Variants in GJB4 observed in about 807,000 individuals in gnomAD.
The protein encoded by GJB4 is gap junction protein beta 4.
For synonymous variants in GJB4, 162 were observed against 158.1 expected, an observed-to-expected ratio of 1.02 and a Z score of -0.18; for missense variants, 371 against 363.8, an observed-to-expected ratio of 1.02 and a Z score of -0.16.
rs777623272 is a variant in GJB4, at chr1:34,762,061, G to C, written c.*6G>C. 3 of 1,607,114 alleles carry C rather than the reference G, an allele frequency of 1.9e-6. No homozygotes were observed. Among genetic ancestry groups the C allele is most frequent in the Non-Finnish European group, 2.5e-6 (3 of 1,176,498 alleles). On this transcript the variant is annotated 3_prime_UTR_variant, in exon 2 of 2. Transcript: ENST00000339480. ...ATGCAGGTGGGTATCCATAACCTGC[G>C]AGATCAGCAGATAAGATCAACAGGT...
Position 34,761,121 on chromosome 1 carries a change from G to C in GJB4, c.-134G>C, listed in dbSNP as rs1276550670. On this transcript the variant is annotated 5_prime_UTR_variant, in exon 2 of 2. Transcript: ENST00000339480. This position sits in a 1 kb window ranked among gnomAD's most constrained non-coding sequence, Gnocchi z 4.4. The stretch of plus-strand genomic sequence containing the variant: ...CATGATGACACGGTGATTGTGAAAA[G>C]ATTTTGTCAATCGCACCAGCATTAA... 40 of 783,898 alleles carry C rather than the reference G, an allele frequency of 5.1e-5. No individual in the cohort carries two copies. Among genetic ancestry groups the C allele is most frequent in the Non-Finnish European group, 6.6e-5 (30 of 454,948 alleles). 48.6% of individuals were successfully genotyped at this position (783,898 alleles called of 1,614,324 possible).
chr1:34,762,046 G>C lies in GJB4; in HGVS notation c.792G>C (p.Gly264=). Residue 264 remains glycine, a synonymous_variant, in exon 2 of 2, where the codon GGG becomes GGC. Transcript: ENST00000339480. ...KAGSAPVDAG[G]YP ...GGTCGGCCCCAGTGGATGCAGGTGG[G>C]TATCCATAACCTGCGAGATCAGCAG... is the stretch of plus-strand genomic sequence containing the variant. The C allele has an allele frequency of 6.2e-7, 1 of 1,611,812 alleles. No individual in the cohort carries two copies. The highest frequency in any genetic ancestry group is 8.5e-7 in the Non-Finnish European group (1 of 1,179,312).
Position 34,761,458 on chromosome 1 carries a change from C to A in GJB4, c.204C>A (p.Phe68Leu). ...PGCPNVCYDE[F>L]FPVSHVRLWA... ...GCCCCAACGTCTGCTATGACGAGTTCTTCCCCGTGTCCCACGTGCGCCTCT... is the reference window on the plus strand; with the variant it reads ...GCCCCAACGTCTGCTATGACGAGTTATTCCCCGTGTCCCACGTGCGCCTCT... The change falls in exon 2 of 2, where the codon TTC (phenylalanine) becomes TTA (leucine). Residue 68 changes from phenylalanine to leucine, a missense_variant. Physicochemically the swap from Phe to Leu is conservative, Grantham distance 22. Coordinates refer to ENST00000339480, the MANE Select transcript of GJB4 (RefSeq NM_153212.3). The surrounding 1 kb of genome is among the most constrained non-coding windows in gnomAD (Gnocchi z 4.4). 2.5e-6 allele frequency: 4 copies of A among 1,614,150 alleles called. No homozygotes were observed. The highest frequency in any genetic ancestry group is 3.4e-6 in the Non-Finnish European group (4 of 1,179,990).
Position 34,761,230 on chromosome 1 carries a change from G to A in GJB4, c.-25G>A, listed in dbSNP as rs187575268. 86 of 1,613,454 alleles carry A rather than the reference G, an allele frequency of 5.3e-5. No homozygotes were observed. In the East Asian group the frequency reaches 1.5e-3, roughly 28 times the overall value. ...TAGCACCCAGGTATAGACCTTCCAC[G>A]TGCAGCACCCAGGACACAGCCAGCA... On this transcript the variant is annotated 5_prime_UTR_variant, in exon 2 of 2. In the 5' UTR this introduces an upstream ATG that the reference lacks. Transcript: ENST00000339480. The surrounding 1 kb of genome is among the most constrained non-coding windows in gnomAD (Gnocchi z 4.4).
rs1294747842 is a variant in GJB4 at position 34,760,965 on chromosome 1, A to C, written c.-290A>C. ...TAGACCCTGATTTTGGAACCTGAAGACCAAAGTGCAAGATTAGCTCTGCTA... is the reference window on the plus strand; with the variant it reads ...TAGACCCTGATTTTGGAACCTGAAGCCCAAAGTGCAAGATTAGCTCTGCTA... On this transcript the variant is annotated 5_prime_UTR_variant, in exon 2 of 2. Transcript: ENST00000339480. 1 of 513,778 alleles carries C rather than the reference A, an allele frequency of 1.9e-6. No individual in the cohort carries two copies. Among genetic ancestry groups the C allele is most frequent in the African/African-American group, 1.9e-5 (1 of 52,038 alleles). The allele number at this position is 513,778 out of a possible 1,614,324, so 31.8% of individuals were successfully genotyped here. A position where few individuals can be genotyped will look rare whatever the true frequency, so the allele number is the denominator to read the frequency against.
chr1:34,762,092 C>G lies in GJB4; in HGVS notation c.*37C>G. The G allele has an allele frequency of 6.5e-7, 1 of 1,548,046 alleles. No homozygotes were observed. The highest frequency in any genetic ancestry group is 8.8e-7 in the Non-Finnish European group (1 of 1,136,754). On this transcript the variant is annotated 3_prime_UTR_variant, in exon 2 of 2. Transcript: ENST00000339480. ...AGCAGATAAGATCAACAGGTCCCCC[C>G]CACATGAGGCCACCCAGGAAAAAAG...
rs999143340 is a variant in GJB4 at position 34,762,140 on chromosome 1, C to A, written c.*85C>A. The A allele has an allele frequency of 1.5e-6, 2 of 1,347,726 alleles. No individual in the cohort carries two copies. The highest frequency in any genetic ancestry group is 2.1e-6 in the Non-Finnish European group (2 of 962,874). The allele number at this position is 1,347,726 out of a possible 1,614,324, so 83.5% of individuals were successfully genotyped here. A position where few individuals can be genotyped will look rare whatever the true frequency, so the allele number is the denominator to read the frequency against. On this transcript the variant is annotated 3_prime_UTR_variant, in exon 2 of 2. Transcript: ENST00000339480. ...AAGGCAGGGGCAGTGGCATCCTTGC[C>A]GTAGCAGGGTGGTGAGGAGGGTGGC...
In GJB4 at chr1:34,759,800, A is replaced by T. The variant is rs575041332; in HGVS notation, c.-323+12A>T. 2.0e-5 allele frequency: 3 copies of T among 152,606 alleles called. No individual in the cohort carries two copies. The East Asian group carries it at 5.8e-4, about 29-fold the overall frequency. The allele number at this position is 152,606 out of a possible 1,614,324, so 9.5% of individuals were successfully genotyped here. A position where few individuals can be genotyped will look rare whatever the true frequency, so the allele number is the denominator to read the frequency against. On this transcript the variant is annotated intron_variant, in intron 1 of 1. Coordinates refer to ENST00000339480, the MANE Select transcript of GJB4 (RefSeq NM_153212.3). ...TGGACCCAAGAAGGGTGAGGACCGA[A>T]TAGGGCAGGAGGCTGGCCAGGAAGC...
rs142843509 is a variant in GJB4, at chr1:34,761,623, G to A, written c.369G>A (p.Lys123=). ...APSLYDNLSK[K]RGGLWWTYLL... is the part of the protein sequence containing the mutation. ...CCCTGTACGACAACCTGAGCAAGAA[G>A]CGGGGCGGACTGTGGTGGACGTACT... The change falls in exon 2 of 2, where the codon AAG becomes AAA. Residue 123 remains lysine, a synonymous_variant. Transcript: ENST00000339480. This position sits in a 1 kb window ranked among gnomAD's most constrained non-coding sequence, Gnocchi z 4.4. The A allele has an allele frequency of 1.7e-3, 2,758 of 1,614,242 alleles. 9 individuals are homozygous for A. Among genetic ancestry groups the A allele is most frequent in the Non-Finnish European group, 2.1e-3 (2,456 of 1,180,034 alleles).
chr1:34,761,759 T>G lies in GJB4; in HGVS notation c.505T>G (p.Cys169Gly), dbSNP rs1557652697. The G allele has an allele frequency of 1.9e-6, 3 of 1,613,936 alleles. No homozygotes were observed. In the African/African-American group the frequency reaches 4.0e-5, roughly 22 times the overall value. ...CGTGGTGGCCTGCTCCGTGGAGCCT[T>G]GCCCCCACACTGTGGACTGTTACAT... The part of the protein sequence containing the change: ...PRVVACSVEP[C>G]PHTVDCYISR... Residue 169 changes from cysteine to glycine, a missense_variant, in exon 2 of 2, where the codon TGC becomes GGC. Coordinates refer to ENST00000339480, the MANE Select transcript of GJB4 (RefSeq NM_153212.3). The surrounding 1 kb of genome is among the most constrained non-coding windows in gnomAD (Gnocchi z 4.4).
At chr1:34,760,194 C>T (rs1409525496) in intron 1 of GJB4, among the ~76,000 whole-genome samples, 2 of 150,534 alleles carry the variant, frequency 1.3e-5, no homozygotes, top group Non-Finnish European at 2.9e-5. Context: ...CCCAGGCACA[C>T]GATGTCTGAA....
In GJB4 at chr1:34,761,999, A is replaced by T; in HGVS notation, c.745A>T (p.Asn249Tyr). Reference protein sequence around the residue: ...LSQGGHPEDGNSVLMKAGSAP... With the variant: ...LSQGGHPEDGYSVLMKAGSAP... Reference sequence around the variant, plus strand: ...CCAGGGAGGGCACCCTGAGGATGGGAACTCTGTCCTAATGAAGGCTGGGTC... The same window carrying T: ...CCAGGGAGGGCACCCTGAGGATGGGTACTCTGTCCTAATGAAGGCTGGGTC... Residue 249 changes from asparagine to tyrosine, a missense_variant, in exon 2 of 2, where the codon AAC becomes TAC. Transcript: ENST00000339480. This position sits in a 1 kb window ranked among gnomAD's most constrained non-coding sequence, Gnocchi z 4.4. 6.2e-7 allele frequency: 1 copy of T among 1,614,112 alleles called. No homozygotes were observed. The highest frequency in any genetic ancestry group is 1.1e-5 in the South Asian group (1 of 91,078).
In GJB4 at chr1:34,762,006, T is replaced by C; in HGVS notation, c.752T>C (p.Val251Ala). The change falls in exon 2 of 2, where the codon GTC becomes GCC. Residue 251 changes from valine (V) to alanine (A), a missense_variant. Physicochemically the swap from Val to Ala is moderately conservative, Grantham distance 64. Transcript: ENST00000339480. ...GGGCACCCTGAGGATGGGAACTCTG[T>C]CCTAATGAAGGCTGGGTCGGCCCCA... ...QGGHPEDGNS[V>A]LMKAGSAPVD... 1 of 1,614,126 alleles carries C rather than the reference T, an allele frequency of 6.2e-7. No homozygotes were observed. The highest frequency in any genetic ancestry group is 8.5e-7 in the Non-Finnish European group (1 of 1,180,010).
In GJB4 at chr1:34,761,723, G is replaced by A. The variant is rs750680293; in HGVS notation, c.469G>A (p.Asp157Asn). The A allele has an allele frequency of 6.2e-7, 1 of 1,614,142 alleles. No homozygotes were observed. The highest frequency in any genetic ancestry group is 1.1e-5 in the South Asian group (1 of 91,082). ...YIFHRLYKDY[D>N]MPRVVACSVE... is the part of the protein sequence containing the mutation. Reference sequence around the variant, plus strand: ...CTTCCACCGCCTCTACAAGGATTATGACATGCCCCGCGTGGTGGCCTGCTC... The same window carrying A: ...CTTCCACCGCCTCTACAAGGATTATAACATGCCCCGCGTGGTGGCCTGCTC... The change falls in exon 2 of 2, where the codon GAC becomes AAC. Residue 157 changes from aspartate (D) to asparagine (N), a missense_variant. Transcript: ENST00000339480. This position sits in a 1 kb window ranked among gnomAD's most constrained non-coding sequence, Gnocchi z 4.4.
rs758277948 is a variant in GJB4 at position 34,761,582 on chromosome 1, G to A, written c.328G>A (p.Gly110Arg). ...ERERKHHLKH[G>R]PNAPSLYDNL... Reference sequence around the variant, plus strand: ...CGAGCGCAAGCACCACCTGAAACACGGGCCCAATGCCCCGTCCCTGTACGA... The same window carrying A: ...CGAGCGCAAGCACCACCTGAAACACAGGCCCAATGCCCCGTCCCTGTACGA... The change falls in exon 2 of 2, where the codon GGG becomes AGG. Residue 110 changes from glycine (G) to arginine (R), a missense_variant. Transcript: ENST00000339480. This position sits in a 1 kb window ranked among gnomAD's most constrained non-coding sequence, Gnocchi z 4.4. 32 of 1,614,098 alleles carry A rather than the reference G, an allele frequency of 2.0e-5. No individual in the cohort carries two copies. The East Asian group carries it at 2.5e-4, about 12-fold the overall frequency.
rs188818191 is a variant in GJB4 at position 34,761,429 on chromosome 1, G to A, written c.175G>A (p.Gly59Ser). ...KDFVCNTKQP[G>S]CPNVCYDEFF... Reference sequence around the variant, plus strand: ...CTTTGTCTGCAACACCAAGCAGCCCGGCTGCCCCAACGTCTGCTATGACGA... The same window carrying A: ...CTTTGTCTGCAACACCAAGCAGCCCAGCTGCCCCAACGTCTGCTATGACGA... The change falls in exon 2 of 2, where the codon GGC becomes AGC. Residue 59 changes from glycine to serine, a missense_variant. Gly to Ser is a moderately conservative substitution (Grantham distance 56). Transcript: ENST00000339480. The surrounding 1 kb of genome is among the most constrained non-coding windows in gnomAD (Gnocchi z 4.4). 9.9e-6 allele frequency: 16 copies of A among 1,614,042 alleles called. No individual in the cohort carries two copies. Among genetic ancestry groups the A allele is most frequent in the African/African-American group, 2.7e-5 (2 of 74,936 alleles).
rs909780864 is a variant in GJB4 at position 34,762,222 on chromosome 1, G to C, written c.*167G>C. 45 of 705,326 alleles carry C rather than the reference G, an allele frequency of 6.4e-5. 1 individual carries two copies. The Admixed American group carries it at 9.0e-4, about 14-fold the overall frequency. The allele number at this position is 705,326 out of a possible 1,614,324, so 43.7% of individuals were successfully genotyped here. A position where few individuals can be genotyped will look rare whatever the true frequency, so the allele number is the denominator to read the frequency against. On this transcript the variant is annotated 3_prime_UTR_variant, in exon 2 of 2. Coordinates refer to ENST00000339480, the MANE Select transcript of GJB4 (RefSeq NM_153212.3). ...AATGTGGGAGGTTGGGGGTAGTTTG[G>C]TCCCTGGGTCCTGAGCCTCAGGGGA... is the stretch of plus-strand genomic sequence containing the variant.
Position 34,762,017 on chromosome 1 carries a change from G to C in GJB4, c.763G>C (p.Ala255Pro), listed in dbSNP as rs199996022. ...GGATGGGAACTCTGTCCTAATGAAG[G>C]CTGGGTCGGCCCCAGTGGATGCAGG... is the stretch of plus-strand genomic sequence containing the variant. The part of the protein sequence containing the change: ...PEDGNSVLMK[A>P]GSAPVDAGGY... The change falls in exon 2 of 2, where the codon GCT becomes CCT. Residue 255 changes from alanine to proline, a missense_variant. Coordinates refer to ENST00000339480, the MANE Select transcript of GJB4 (RefSeq NM_153212.3). 47 of 1,614,086 alleles carry C rather than the reference G, an allele frequency of 2.9e-5. No homozygotes were observed. The African/African-American group carries it at 4.7e-4, about 16-fold the overall frequency.
Position 34,762,197 on chromosome 1 carries a change from A to G in GJB4, c.*142A>G. On this transcript the variant is annotated 3_prime_UTR_variant, in exon 2 of 2. Transcript: ENST00000339480. ...GGCTCAGGAAGCTCGCCCAGGGGCC[A>G]ATGTGGGAGGTTGGGGGTAGTTTGG... 4 of 830,068 alleles carry G rather than the reference A, an allele frequency of 4.8e-6. No homozygotes were observed. The highest frequency in any genetic ancestry group is 8.1e-6 in the Non-Finnish European group (4 of 496,884). The allele number at this position is 830,068 out of a possible 1,614,324, so 51.4% of individuals were successfully genotyped here.
Sources: allele counts gnomAD v4.1 joint callset (sites outside exome capture counted in the v4.1 genomes callset), GRCh38; gene constraint gnomAD v4.1.1; non-coding constraint Gnocchi (gnomAD v3.1); transcripts MANE v1.5; gene names NCBI Gene and HGNC (gene_info 2026-07-23, HGNC 2026-07-21).